The following TPST2 variants were observed in gnomAD, a reference collection of about 807,000 sequenced individuals.
The protein encoded by TPST2 is tyrosylprotein sulfotransferase 2.
TPST2 carries 16 observed loss-of-function variants against 27.8 expected under a neutral mutation model. The ratio of observed to expected loss-of-function variants is 0.58; its 90% CI spans 0.39 to 0.88. The LOEUF is 0.88. Ranked by LOEUF, TPST2 falls within the 40% of genes least tolerant of loss-of-function variation. The pLI is 0.00. For missense variants in TPST2, 464 were observed against 543.1 expected, an observed-to-expected ratio of 0.85 and a Z score of 1.45; for synonymous variants, 229 against 231.7, an observed-to-expected ratio of 0.99 and a Z score of 0.10.
chr22:26,528,371 G>A (rs771683045), intron 5 of TPST2, 109 bp from the exon 6 acceptor site: 220 of 1,310,236 alleles, frequency 1.7e-4, no homozygotes, highest in Non-Finnish European at 2.2e-4. Flanking sequence ...GCTTATTCAC[G>A]TAGTATTTAC....
rs1924681573 is a variant in TPST2, at chr22:26,523,801, TG to T, written c.*2473del. The T allele has an allele frequency of 6.6e-6, 1 of 152,208 alleles. No individual in the cohort carries two copies. Among genetic ancestry groups the T allele is most frequent in the South Asian group, 2.1e-4 (1 of 4,836 alleles). 9.4% of individuals were successfully genotyped at this position (152,208 alleles called of 1,614,324 possible). On this transcript the variant is annotated 3_prime_UTR_variant, in exon 7 of 7. Transcript: ENST00000338754. The stretch of plus-strand genomic sequence containing the variant: ...TTTCGCCACGTTGGCCAGGCTGGTC[TG>T]GAACTCCTGACCTCAGCTTATCTGC...
intron 4 of TPST2, 155 bp downstream of exon 4, chr22:26,536,133 G>A (rs1925447052): frequency 9.4e-7 from 1 of 1,060,608 alleles, no homozygotes; most frequent in Non-Finnish European, 1.4e-6. Flanking sequence ...GGAAATACAA[G>A]CAATCATGTA....
chr22:26,528,113 C>A, intron 6 of TPST2, 101 bp downstream of exon 6: 1 of 1,395,552 alleles, frequency 7.2e-7, no homozygotes, highest in East Asian at 2.5e-5. Flanking sequence ...ACATGTCTAC[C>A]CCAGGGAGGC....
At chr22:26,562,134 G>T (rs1602287886) in intron 1 of TPST2, among the ~76,000 whole-genome samples, 1 of 152,226 alleles carries the variant, frequency 6.6e-6, no homozygotes, top group Non-Finnish European at 1.5e-5. Context: ...GCCCGGCGGG[G>T]GCCACAGGGT....
In TPST2 at chr22:26,560,505, G is replaced by A. The variant is rs1156481182; in HGVS notation, c.-160-15830C>T. 39 of 815,286 alleles carry A rather than the reference G, an allele frequency of 4.8e-5. No individual in the cohort carries two copies. The East Asian group carries it at 5.1e-4, about 11-fold the overall frequency. The allele number at this position is 815,286 out of a possible 1,614,324, so 50.5% of individuals were successfully genotyped here. A position where few individuals can be genotyped will look rare whatever the true frequency, so the allele number is the denominator to read the frequency against. On this transcript the variant is annotated intron_variant, in intron 1 of 6. Coordinates refer to ENST00000338754, the MANE Select transcript of TPST2 (RefSeq NM_003595.5). ...GACGGGCACTGGGCGACTGTGCCTC[G>A]CTGAGGAAAAATAACTAAACATGAG...
In TPST2 at chr22:26,551,026, G is replaced by A. The variant is rs1465016900; in HGVS notation, c.-160-6351C>T. On this transcript the variant is annotated intron_variant, in intron 1 of 6. Transcript: ENST00000338754. ...ACAGTGGCTCACGCCAGGCATGGTG[G>A]CTCATGCCTATAATCCCGGCACTTT... is the stretch of plus-strand genomic sequence containing the variant. Among the ~76,000 whole-genome samples the A allele has an allele frequency of 3.3e-5, 5 of 152,238 alleles. No homozygotes were observed. The East Asian group carries it at 5.8e-4, about 18-fold the overall frequency.
intron 1 of TPST2, among the ~76,000 whole-genome samples, chr22:26,569,883 T>C (rs1223474894): frequency 7.8e-6 from 1 of 128,320 alleles, no homozygotes; most frequent in African/African-American, 3.0e-5. Flanking sequence ...ACCTGGGAGG[T>C]GGAGGTTGCA....
intron 1 of TPST2, among the ~76,000 whole-genome samples, chr22:26,587,000 G>C (rs1004520625): frequency 2.0e-5 from 3 of 152,192 alleles, no homozygotes; most frequent in Non-Finnish European, 2.9e-5. Context: ...CTCAGGCCTG[G>C]GGGGTGGCCC....
rs1264472413 is a variant in TPST2 at position 26,545,047 on chromosome 22, C to CGTGT, written c.-160-373_-160-372insACAC. 7.2e-5 allele frequency among the ~76,000 whole-genome samples: 11 copies of CGTGT among 152,186 alleles called. 1 individual carries two copies. The East Asian group carries it at 1.7e-3, about 24-fold the overall frequency. On this transcript the variant is annotated intron_variant, in intron 1 of 6. Coordinates refer to ENST00000338754, the MANE Select transcript of TPST2 (RefSeq NM_003595.5). ...CAATAAGCAACAACAACCACCACTA[C>CGTGT]ACACCACTATTGCCACCTGAGATGG...
intron 2 of TPST2, among the ~76,000 whole-genome samples, chr22:26,544,223 T>A (rs919415300): frequency 6.6e-6 from 1 of 152,222 alleles, no homozygotes; most frequent in African/African-American, 2.4e-5. Context: ...GGAACTCCTG[T>A]GGGGTACTGA....
intron 1 of TPST2, among the ~76,000 whole-genome samples, chr22:26,580,768 T>C (rs1250243836): frequency 6.6e-6 from 1 of 152,084 alleles, no homozygotes; most frequent in Non-Finnish European, 1.5e-5. Context: ...CCGATCTTTG[T>C]TAAACAAGAG....
chr22:26,589,733 C>G (rs947876564), intron 1 of TPST2, among the ~76,000 whole-genome samples: 2 of 152,188 alleles, frequency 1.3e-5, no homozygotes, highest in Non-Finnish European at 2.9e-5. Context: ...CCCCCAGTCC[C>G]CCCGCCAACA....
chr22:26,535,807 C>T (rs1433229388), intron 4 of TPST2: 1 of 317,104 alleles, frequency 3.2e-6, no homozygotes, highest in Admixed American at 4.4e-5. Flanking sequence ...AAGTCATTTC[C>T]CTTCACCATC....
At chr22:26,559,525 C>T (rs1926973527) in intron 1 of TPST2, among the ~76,000 whole-genome samples, 1 of 152,168 alleles carries the variant, frequency 6.6e-6, no homozygotes, top group Non-Finnish European at 1.5e-5. Flanking sequence ...CAAAGAGAAA[C>T]CTCGTACCCT....
At chr22:26,552,835 G>A (rs1002141497) in intron 1 of TPST2, among the ~76,000 whole-genome samples, 2 of 152,036 alleles carry the variant, frequency 1.3e-5, no homozygotes, top group African/African-American at 4.8e-5. Flanking sequence ...CAAGGCAGGA[G>A]GATCACCTGA....
rs1602242147 is a variant in TPST2 at position 26,524,107 on chromosome 22, CTG to C, written c.*2166_*2167del. ...TTGGTGAATGATCATTTATCAGAGA[CTG>C]TGTGTCAAACATTTAAAAAATAAAA... On this transcript the variant is annotated 3_prime_UTR_variant, in exon 7 of 7. Coordinates refer to ENST00000338754, the MANE Select transcript of TPST2 (RefSeq NM_003595.5). The C allele has an allele frequency of 6.6e-6, 1 of 152,052 alleles. No individual in the cohort carries two copies. The highest frequency in any genetic ancestry group is 2.4e-5 in the African/African-American group (1 of 41,386). 9.4% of individuals were successfully genotyped at this position (152,052 alleles called of 1,614,324 possible).
chr22:26,550,028 A>G (rs1926378900), intron 1 of TPST2, among the ~76,000 whole-genome samples: 1 of 141,008 alleles, frequency 7.1e-6, no homozygotes, highest in African/African-American at 2.6e-5. Context: ...TGATGGAGCA[A>G]GACTCCATCT....
At chr22:26,556,083 C>T (rs1926777316) in intron 1 of TPST2, among the ~76,000 whole-genome samples, 1 of 152,150 alleles carries the variant, frequency 6.6e-6, no homozygotes, top group Admixed American at 6.5e-5. Flanking sequence ...AGGAAACCAA[C>T]ATAGTAAACT....
At chr22:26,546,760 G>A (rs1370030223) in intron 1 of TPST2, among the ~76,000 whole-genome samples, 2 of 152,228 alleles carry the variant, frequency 1.3e-5, no homozygotes, top group Admixed American at 1.3e-4. Context: ...CTACTGTACT[G>A]GACAGTGCAC....
Sources: gnomAD v4.1 joint callset for allele counts (sites outside exome capture counted in the v4.1 genomes callset) on GRCh38, gnomAD v4.1.1 for gene constraint, MANE v1.5 for transcripts, NCBI Gene and HGNC (gene_info 2026-07-23, HGNC 2026-07-21) for gene names.